The following CMTM4 variants were observed in gnomAD, a reference collection of about 807,000 sequenced individuals.
CMTM4 encodes CKLF-like MARVEL transmembrane domain-containing protein 4.
CMTM4 carries 8 observed loss-of-function variants against 19.0 expected under a neutral mutation model. That is an observed-to-expected ratio of 0.42 (90% CI 0.25 to 0.76). The LOEUF (loss-of-function observed/expected upper bound fraction) is 0.76, where lower values mean the gene tolerates loss of function less well. Among genes scored for constraint, CMTM4 ranks in the 30% least tolerant of loss-of-function variants. The probability of loss-of-function intolerance (pLI) is 0.27; values close to 1 mark genes in which losing one functional copy is unlikely to be tolerated. For missense variants in CMTM4, 228 were observed against 290.2 expected (o/e 0.79, Z 1.56); for synonymous variants, 106 against 121.1 (o/e 0.88, Z 0.82).
Position 66,619,646 on chromosome 16 carries a change from C to T in CMTM4, c.*2412G>A. 2 of 985,316 alleles carry T rather than the reference C, an allele frequency of 2.0e-6. No homozygotes were observed. The highest frequency in any genetic ancestry group is 2.4e-6 in the Non-Finnish European group (2 of 829,924). 61.0% of individuals were successfully genotyped at this position (985,316 alleles called of 1,614,324 possible). A position where few individuals can be genotyped will look rare whatever the true frequency, so the allele number is the denominator to read the frequency against. On this transcript the variant is annotated 3_prime_UTR_variant, in exon 4 of 4. Coordinates refer to ENST00000394106, the MANE Select transcript of CMTM4 (RefSeq NM_181521.3). ...CATATTCACCTTGGATAACCCTATT[C>T]CCTCCAGAACTTTCGTCACCACGTG...
chr16:66,607,497 A>T, the CMTM4 span, among the ~76,000 whole-genome samples: 1 of 152,246 alleles, frequency 6.6e-6, no homozygotes, highest in African/African-American at 2.4e-5. Flanking sequence ...CCATCAAGGC[A>T]TTTTATCTTT....
chr16:66,674,702 A>G (rs1051872385), intron 1 of CMTM4, among the ~76,000 whole-genome samples: 4 of 148,754 alleles, frequency 2.7e-5, no homozygotes, highest in African/African-American at 9.9e-5. Context: ...GACCTCACAG[A>G]GGACCAAGTG....
intron 1 of CMTM4, among the ~76,000 whole-genome samples, chr16:66,643,896 G>A (rs1192047733): frequency 1.3e-5 from 2 of 152,162 alleles, no homozygotes; most frequent in African/African-American, 2.4e-5. Context: ...TGGGATTACA[G>A]GTGCCCACCA....
intron 1 of CMTM4, among the ~76,000 whole-genome samples, chr16:66,683,097 AAT>A (rs1467100738): frequency 7.0e-6 from 1 of 142,808 alleles, no homozygotes; most frequent in African/African-American, 2.6e-5. Context: ...TTCCACCTCA[AAT>A]AGAGTCTAGT....
downstream of CMTM4, chr16:66,609,788 T>C (rs1259434139): frequency 1.2e-6 from 2 of 1,612,552 alleles, no homozygotes; most frequent in South Asian, 1.1e-5. This position sits in a 1 kb window ranked among gnomAD's most constrained non-coding sequence, Gnocchi z 4.4. Context: ...GGGCTGTTTG[T>C]CCAAGCAGAT....
At chr16:66,677,246 T>C (rs1001087417) in intron 1 of CMTM4, among the ~76,000 whole-genome samples, 1 of 151,816 alleles carries the variant, frequency 6.6e-6, no homozygotes, top group Non-Finnish European at 1.5e-5. Context: ...CAAAAAAATA[T>C]ATAAAAAAGA....
intron 1 of CMTM4, among the ~76,000 whole-genome samples, chr16:66,644,610 TGA>T (rs2016156392): frequency 6.6e-6 from 1 of 152,354 alleles, no homozygotes; most frequent in East Asian, 1.9e-4. Flanking sequence ...TCCAAAATCA[TGA>T]GTCTTAAGCT....
intron 1 of CMTM4, among the ~76,000 whole-genome samples, chr16:66,639,527 T>C (rs2016061270): frequency 6.6e-6 from 1 of 151,768 alleles, no homozygotes; most frequent in African/African-American, 2.4e-5. Context: ...AGGAGAAAAA[T>C]GGAAGCAGGG....
intron 1 of CMTM4, among the ~76,000 whole-genome samples, chr16:66,643,013 C>T (rs1040711788): frequency 1.3e-5 from 2 of 152,106 alleles, no homozygotes; most frequent in South Asian, 2.1e-4. Context: ...CTCTGCTTCC[C>T]GGGTTCAAGT....
chr16:66,679,097 T>TA (rs577591880), intron 1 of CMTM4, among the ~76,000 whole-genome samples: 6,615 of 136,472 alleles, frequency 0.048, 272 homozygotes, highest in East Asian at 0.17. Flanking sequence ...AGACTCCATC[T>TA]AAAAAAAAAA....
At chr16:66,640,917 A>G (rs1270872827) in intron 1 of CMTM4, among the ~76,000 whole-genome samples, 2 of 152,236 alleles carry the variant, frequency 1.3e-5, no homozygotes, top group Admixed American at 6.5e-5. Context: ...TAGGTCCTCC[A>G]GCCCCAGGCA....
intron 2 of CMTM4, among the ~76,000 whole-genome samples, chr16:66,633,120 T>A (rs1241931936): frequency 8.9e-6 from 1 of 112,648 alleles, no homozygotes; most frequent in Non-Finnish European, 1.9e-5. Context: ...TATATATAAA[T>A]ATATATATAT....
intron 2 of CMTM4, among the ~76,000 whole-genome samples, chr16:66,624,083 T>C (rs928616659): frequency 2.6e-5 from 4 of 152,330 alleles, no homozygotes; most frequent in Admixed American, 6.5e-5. Context: ...GAAGGGAACA[T>C]AGCAGGGTAA....
At chr16:66,659,878 G>A (rs1190308011) in intron 1 of CMTM4, among the ~76,000 whole-genome samples, 2 of 152,116 alleles carry the variant, frequency 1.3e-5, no homozygotes, top group Admixed American at 6.6e-5. Flanking sequence ...CTTTACTAGT[G>A]TATGTCTGAA....
At chr16:66,606,670 C>T in the CMTM4 span, among the ~76,000 whole-genome samples, 1 of 152,148 alleles carries the variant, frequency 6.6e-6, no homozygotes, top group African/African-American at 2.4e-5. Flanking sequence ...AGATGGCCTC[C>T]CCAACACCCA....
intron 1 of CMTM4, among the ~76,000 whole-genome samples, chr16:66,686,875 C>T (rs1368242861): frequency 6.6e-6 from 1 of 152,050 alleles, no homozygotes; most frequent in Non-Finnish European, 1.5e-5. Flanking sequence ...CATTTATTGA[C>T]GCATCTTCCT....
the CMTM4 span, among the ~76,000 whole-genome samples, chr16:66,598,505 G>A: frequency 6.6e-6 from 1 of 152,196 alleles, no homozygotes; most frequent in Non-Finnish European, 1.5e-5. Context: ...TTTGACAAAT[G>A]TAGGTCCCTG....
At chr16:66,604,473 G>T in the CMTM4 span, 2 of 212,766 alleles carry the variant, frequency 9.4e-6, no homozygotes, top group Non-Finnish European at 1.9e-5. Context: ...TTCTGGATAG[G>T]GGCAGACGGG....
the CMTM4 span, chr16:66,604,618 C>T: frequency 3.3e-6 from 1 of 299,482 alleles, no homozygotes; most frequent in Non-Finnish European, 4.9e-6. Context: ...CCCCCGCAGC[C>T]GGGGTCCGAG....
Sources: gnomAD v4.1 joint callset for allele counts (sites outside exome capture counted in the v4.1 genomes callset) on GRCh38, gnomAD v4.1.1 for gene constraint, Gnocchi (gnomAD v3.1) non-coding constraint, MANE v1.5 for transcripts, NCBI Gene and HGNC (gene_info 2026-07-23, HGNC 2026-07-21) for gene names.